Variants in SUGCT observed in about 807,000 individuals in gnomAD.
SUGCT encodes the protein succinyl-CoA:glutarate-CoA transferase, also known as succinyl-CoA:glutarate CoA-transferase.
A neutral mutation model predicts 55.0 loss-of-function variants in SUGCT; 41 were observed. That is an observed-to-expected ratio of 0.74 (90% CI 0.58 to 0.97). The LOEUF (loss-of-function observed/expected upper bound fraction) is 0.97, where lower values mean the gene tolerates loss of function less well. SUGCT is among the 50% of genes least tolerant of loss of function. The probability of loss-of-function intolerance (pLI) is 0.00; values close to 1 mark genes in which losing one functional copy is unlikely to be tolerated. For missense variants in SUGCT, 568 were observed against 547.8 expected (o/e 1.04, Z -0.37); for synonymous variants, 187 against 200.4 (o/e 0.93, Z 0.56).
chr7:40,272,753 G>A (rs1344544336), intron 7 of SUGCT, among the ~76,000 whole-genome samples: 2 of 150,664 alleles, frequency 1.3e-5, no homozygotes, highest in South Asian at 2.1e-4. Context: ...TCCGCCTCCC[G>A]GGTTCAAGCA....
At chr7:40,790,020 A>C (rs1790227302) in intron 13 of SUGCT, among the ~76,000 whole-genome samples, 2 of 152,218 alleles carry the variant, frequency 1.3e-5, no homozygotes, top group Non-Finnish European at 2.9e-5. Flanking sequence ...TATTTGAGGA[A>C]GATAAGAATG....
chr7:40,847,827 A>G (rs1793652547), intron 13 of SUGCT, among the ~76,000 whole-genome samples: 1 of 152,176 alleles, frequency 6.6e-6, no homozygotes, highest in African/African-American at 2.4e-5. Flanking sequence ...GGAAAGTAAA[A>G]AAAAATCTCA....
chr7:40,657,781 A>T (rs1801102957), intron 12 of SUGCT, among the ~76,000 whole-genome samples: 2 of 152,236 alleles, frequency 1.3e-5, no homozygotes, highest in South Asian at 4.2e-4. Flanking sequence ...TGATTCACCC[A>T]CCTTGGCCTC....
intron 9 of SUGCT, among the ~76,000 whole-genome samples, chr7:40,394,349 C>T (rs191780141): frequency 3.9e-5 from 6 of 152,128 alleles, no homozygotes; most frequent in Admixed American, 2.0e-4. Context: ...TTTTAGGCTT[C>T]GTGGTCTATA....
chr7:40,294,012 A>G (rs1377826211), intron 8 of SUGCT, among the ~76,000 whole-genome samples: 1 of 151,964 alleles, frequency 6.6e-6, no homozygotes, highest in Non-Finnish European at 1.5e-5. Flanking sequence ...CAGTGGCACA[A>G]TCTTGGTTCA....
At chr7:40,627,606 C>T (rs1410345120) in intron 12 of SUGCT, among the ~76,000 whole-genome samples, 1 of 152,208 alleles carries the variant, frequency 6.6e-6, no homozygotes, top group Non-Finnish European at 1.5e-5. Context: ...TTCAAAGTTA[C>T]ACTCCTATGA....
chr7:40,435,735 G>T (rs1247196083), intron 9 of SUGCT, among the ~76,000 whole-genome samples: 1 of 151,876 alleles, frequency 6.6e-6, no homozygotes, highest in Non-Finnish European at 1.5e-5. Flanking sequence ...GTCCCTCCAC[G>T]CTTTGCCTTG....
intron 8 of SUGCT, among the ~76,000 whole-genome samples, chr7:40,291,361 T>G (rs1242744614): frequency 6.6e-6 from 1 of 150,646 alleles, no homozygotes; most frequent in African/African-American, 2.5e-5. Context: ...TGCAGGGACA[T>G]GGATGAAACT....
chr7:40,862,789 G>A (rs1008612760), downstream of SUGCT, among the ~76,000 whole-genome samples: 10 of 150,432 alleles, frequency 6.6e-5, no homozygotes, highest in Non-Finnish European at 1.0e-4. Context: ...GACTAATCAA[G>A]CATGATATTT....
At chr7:40,802,809 A>G (rs936039670) in intron 13 of SUGCT, among the ~76,000 whole-genome samples, 3 of 152,212 alleles carry the variant, frequency 2.0e-5, no homozygotes, top group Non-Finnish European at 4.4e-5. Flanking sequence ...TGGAGCTAAA[A>G]GTGGGGATTT....
intron 13 of SUGCT, among the ~76,000 whole-genome samples, chr7:40,837,277 C>A (rs571429522): frequency 1.3e-5 from 2 of 151,940 alleles, no homozygotes; most frequent in Non-Finnish European, 2.9e-5. Context: ...TTCTAACTGG[C>A]TTTTAAAAAT....
At chr7:40,730,450 C>T (rs964588336) in intron 12 of SUGCT, among the ~76,000 whole-genome samples, 3 of 152,160 alleles carry the variant, frequency 2.0e-5, no homozygotes, top group Non-Finnish European at 4.4e-5. Context: ...ATATATTTCT[C>T]ACATATGCTG....
At chr7:40,251,207 G>A (rs775751099) in intron 7 of SUGCT, among the ~76,000 whole-genome samples, 13 of 152,116 alleles carry the variant, frequency 8.5e-5, no homozygotes, top group Admixed American at 3.9e-4. Context: ...ATTAGCATTC[G>A]AACATTCGTT....
At chr7:40,666,424 T>G (rs1043562328) in intron 12 of SUGCT, among the ~76,000 whole-genome samples, 1 of 144,230 alleles carries the variant, frequency 6.9e-6, no homozygotes, top group South Asian at 2.2e-4. Context: ...GGTTAGTTTT[T>G]TTTTTTTTTT....
chr7:40,346,574 A>G (rs1797321808), intron 9 of SUGCT, among the ~76,000 whole-genome samples: 1 of 152,190 alleles, frequency 6.6e-6, no homozygotes, highest in Non-Finnish European at 1.5e-5. Context: ...TGACAATAAC[A>G]TAACATCTAC....
At chr7:40,342,203 AAT>A (rs1174195795) in intron 9 of SUGCT, among the ~76,000 whole-genome samples, 2 of 152,208 alleles carry the variant, frequency 1.3e-5, no homozygotes, top group Non-Finnish European at 2.9e-5. Flanking sequence ...GAACCTCTCT[AAT>A]TGTCATTAGT....
chr7:40,168,230 C>G lies in SUGCT; in HGVS notation c.101-12717C>G, dbSNP rs1273148390. On this transcript the variant is annotated intron_variant, in intron 1 of 13. Transcript: ENST00000335693. The stretch of plus-strand genomic sequence containing the variant: ...CAGCTAGTCCTGTCTCTCAGTACCC[C>G]CCAACAGGAAAACCCAAGTGCTGTA... Among the ~76,000 whole-genome samples, 6 of 152,226 alleles carry G rather than the reference C, an allele frequency of 3.9e-5. No homozygotes were observed. In the East Asian group the frequency reaches 1.2e-3, roughly 29 times the overall value.
At chr7:40,221,191 A>T (rs1186745364) in intron 6 of SUGCT, among the ~76,000 whole-genome samples, 1 of 152,074 alleles carries the variant, frequency 6.6e-6, no homozygotes, top group Non-Finnish European at 1.5e-5. Context: ...AGGCAGGCAG[A>T]TCACCTGAGG....
At chr7:40,336,424 G>C (rs544519345) in intron 9 of SUGCT, among the ~76,000 whole-genome samples, 2 of 152,254 alleles carry the variant, frequency 1.3e-5, no homozygotes, top group African/African-American at 4.8e-5. Context: ...CTCAATTTCA[G>C]AGCCTGTTAT....
Sources: allele counts gnomAD v4.1 joint callset (sites outside exome capture counted in the v4.1 genomes callset), GRCh38; gene constraint gnomAD v4.1.1; transcripts MANE v1.5; gene names NCBI Gene and HGNC (gene_info 2026-07-23, HGNC 2026-07-21).